SBF2: variants seen among roughly 807,000 people sequenced by gnomAD.
The protein encoded by SBF2 is SET binding factor 2.
SBF2 carries 112 observed loss-of-function variants against 225.2 expected under a neutral mutation model. The ratio of observed to expected loss-of-function variants is 0.50; its 90% confidence interval spans 0.43 to 0.58. SBF2 has a LOEUF of 0.58. Ranked by LOEUF, SBF2 falls within the 20% of genes least tolerant of loss-of-function variation. The pLI is 0.00. For missense variants in SBF2, 1,996 were observed against 2,206.2 expected (o/e 0.90, Z 1.91); for synonymous variants, 763 against 773.3 (o/e 0.99, Z 0.22).
chr11:9,970,060 T>C (rs1052702178), intron 13 of SBF2, among the ~76,000 whole-genome samples: 15 of 152,224 alleles, frequency 9.9e-5, no homozygotes, highest in African/African-American at 2.9e-4. Context: ...ATGGAATCCA[T>C]TCTTTCATAA....
chr11:10,240,801 CTTA>C (rs1307537697), intron 1 of SBF2, among the ~76,000 whole-genome samples: 9 of 151,964 alleles, frequency 5.9e-5, no homozygotes, highest in East Asian at 1.9e-4. Context: ...TTGAAAAACA[CTTA>C]TTATTAAATT....
intron 16 of SBF2, among the ~76,000 whole-genome samples, chr11:9,942,931 GAAA>G (rs1303040956): frequency 1.1e-4 from 16 of 146,642 alleles, no homozygotes; most frequent in Non-Finnish European, 2.0e-4. Flanking sequence ...AAGAAAGAAA[GAAA>G]GAAAGAAGGA....
At position 9,842,676 on chromosome 11, in the gene SBF2, C is replaced by T. The variant is rs933788288; in HGVS notation, c.3205G>A (p.Val1069Met). 6.2e-7 allele frequency: 1 copy of T among 1,614,136 alleles called. No homozygotes were observed. ...YLLKKKTGTI[V>M]EERVNRPGWN... ...CCAGGACGATTTACTCTTTCTTCCA[C>T]AATTGTCCCTGTCTTCTTCTTCAGT... The change falls in exon 25 of 40, where the codon GTG becomes ATG. Residue 1069 changes from valine to methionine, a missense_variant. By Grantham distance (21) the Val-to-Met change is conservative. Transcript: ENST00000256190.
Position 9,850,910 on chromosome 11 carries a change from T to C in SBF2, c.2611-692A>G, listed in dbSNP as rs550189378. Among the ~76,000 whole-genome samples the C allele has an allele frequency of 1.7e-4, 26 of 152,242 alleles. No individual in the cohort carries two copies. The South Asian group carries it at 4.4e-3, about 26-fold the overall frequency. Reference sequence around the variant, plus strand: ...CAGCACTTTGGGAGGTTGAGGCAGATGGATCACCTGAGGTCAGGAGTTCGA... The same window carrying C: ...CAGCACTTTGGGAGGTTGAGGCAGACGGATCACCTGAGGTCAGGAGTTCGA... On this transcript the variant is annotated intron_variant, in intron 21 of 39. Transcript: ENST00000256190.
intron 6 of SBF2, among the ~76,000 whole-genome samples, chr11:10,018,589 C>T (rs948562123): frequency 6.6e-5 from 10 of 152,116 alleles, no homozygotes; most frequent in African/African-American, 2.2e-4. Context: ...AAAGATAGAG[C>T]TATTTAATAT....
In SBF2 at chr11:10,279,106, T is replaced by TA. The variant is rs58093618; in HGVS notation, c.55+14908dup. 2.7e-3 allele frequency among the ~76,000 whole-genome samples: 149 copies of TA among 56,082 alleles called. 1 individual carries two copies. The highest frequency in any genetic ancestry group is 0.014 in the Middle Eastern group (1 of 70). 36.8% of individuals were successfully genotyped at this position (56,082 alleles called of 152,430 possible). ...AACAGAACAAGACCCGGTCTTGTAT[T>TA]AAAAAAAAAAAAAAAAAAAAAAAAG... On this transcript the variant is annotated intron_variant, in intron 1 of 39. Transcript: ENST00000256190.
chr11:9,897,502 C>G (rs58717942), intron 16 of SBF2, among the ~76,000 whole-genome samples: 2,258 of 152,218 alleles, frequency 0.015, 49 homozygotes, highest in African/African-American at 0.051. Flanking sequence ...CATGAACCAC[C>G]ATGCCCGGCG....
intron 2 of SBF2, among the ~76,000 whole-genome samples, chr11:10,051,315 TGA>T (rs952674036): frequency 2.0e-5 from 3 of 152,086 alleles, no homozygotes; most frequent in African/African-American, 7.2e-5. Flanking sequence ...AAAAAGAATG[TGA>T]GAGTTTAGAT....
At chr11:9,958,850 T>C (rs1320938969) in intron 16 of SBF2, 6 of 642,214 alleles carry the variant, frequency 9.3e-6, no homozygotes, top group Admixed American at 5.9e-5. Context: ...ATCTTCAAAG[T>C]AACCCTTCTT....
At chr11:9,792,707 C>G (rs1374572243) in intron 33 of SBF2, among the ~76,000 whole-genome samples, 2 of 152,072 alleles carry the variant, frequency 1.3e-5, no homozygotes, top group Non-Finnish European at 2.9e-5. Context: ...TAGATGATTT[C>G]TACTGAGGCT....
At chr11:10,105,380 C>G (rs1952503043) in intron 2 of SBF2, among the ~76,000 whole-genome samples, 1 of 152,148 alleles carries the variant, frequency 6.6e-6, no homozygotes, top group Non-Finnish European at 1.5e-5. Flanking sequence ...TAATAAGCTA[C>G]TAAAACATGA....
chr11:10,184,305 TG>T (rs765016172), intron 2 of SBF2, among the ~76,000 whole-genome samples: 8 of 152,216 alleles, frequency 5.3e-5, no homozygotes, highest in Non-Finnish European at 8.8e-5. Context: ...TTGAGCCTTA[TG>T]GGATGTCTTG....
At chr11:9,787,592 A>G (rs1852455946) in intron 36 of SBF2, 42 bp downstream of exon 36, 1 of 1,551,448 alleles carries the variant, frequency 6.4e-7, no homozygotes, top group Non-Finnish European at 8.9e-7. Context: ...TAGCACCCTC[A>G]GAAAGCTCAG....
At chr11:9,994,540 A>G (rs1026762024) in intron 9 of SBF2, among the ~76,000 whole-genome samples, 1 of 149,352 alleles carries the variant, frequency 6.7e-6, no homozygotes, top group Non-Finnish European at 1.5e-5. Flanking sequence ...AATTTATTTG[A>G]AAATAAAACA....
chr11:10,276,417 T>C (rs1962964327), intron 1 of SBF2, among the ~76,000 whole-genome samples: 1 of 152,230 alleles, frequency 6.6e-6, no homozygotes, highest in East Asian at 1.9e-4. Context: ...AAAACTGTTT[T>C]GGCTGCTCTA....
intron 6 of SBF2, among the ~76,000 whole-genome samples, chr11:10,021,966 T>C (rs554268160): frequency 6.6e-6 from 1 of 152,282 alleles, no homozygotes; most frequent in African/African-American, 2.4e-5. Context: ...AAAGTGAATT[T>C]AGAACATGCA....
chr11:10,041,661 TTG>T (rs1279285610), intron 3 of SBF2, among the ~76,000 whole-genome samples: 1 of 152,168 alleles, frequency 6.6e-6, no homozygotes, highest in Non-Finnish European at 1.5e-5. Context: ...GAAAGGTAAT[TTG>T]TCTCTTCTTG....
intron 16 of SBF2, among the ~76,000 whole-genome samples, chr11:9,910,830 TGA>T (rs1443300271): frequency 7.5e-5 from 11 of 145,858 alleles, no homozygotes; most frequent in Non-Finnish European, 1.6e-4. Flanking sequence ...AGGTGGATCA[TGA>T]GGTCAGGAGA....
Position 10,294,149 on chromosome 11 carries a change from G to C in SBF2, c.-80C>G. 4.6e-6 allele frequency: 5 copies of C among 1,088,026 alleles called. No individual in the cohort carries two copies. Among genetic ancestry groups the C allele is most frequent in the Non-Finnish European group, 5.9e-6 (5 of 844,874 alleles). The allele number at this position is 1,088,026 out of a possible 1,614,324, so 67.4% of individuals were successfully genotyped here. A position where few individuals can be genotyped will look rare whatever the true frequency, so the allele number is the denominator to read the frequency against. On this transcript the variant is annotated 5_prime_UTR_variant, in exon 1 of 40. Coordinates refer to ENST00000256190, the MANE Select transcript of SBF2 (RefSeq NM_030962.4). ...CGCCCACCCGGCCCGGGAGGGCTCAGCATTTTCCCTGCAGCGGCAGTAGCG... is the reference window on the plus strand; with the variant it reads ...CGCCCACCCGGCCCGGGAGGGCTCACCATTTTCCCTGCAGCGGCAGTAGCG...
Sources: allele counts gnomAD v4.1 joint callset (sites outside exome capture counted in the v4.1 genomes callset), GRCh38; gene constraint gnomAD v4.1.1; transcripts MANE v1.5; gene names NCBI Gene and HGNC (gene_info 2026-07-23, HGNC 2026-07-21).